The following CNTNAP2 variants were observed in gnomAD, a reference collection of about 807,000 sequenced individuals.
CNTNAP2 encodes the protein contactin-associated protein-like 2.
In CNTNAP2, 98 loss-of-function variants were observed where a neutral mutation model predicts 155.2. The ratio of observed to expected loss-of-function variants is 0.63; its 90% CI spans 0.54 to 0.75. The LOEUF (loss-of-function observed/expected upper bound fraction) is 0.75, where lower values mean the gene tolerates loss of function less well. CNTNAP2 is among the 30% of genes least tolerant of loss of function. CNTNAP2 has a pLI of 0.00. For missense variants in CNTNAP2, 1,727 were observed against 1,688.1 expected (o/e 1.02, Z -0.40); for synonymous variants, 651 against 631.2 (o/e 1.03, Z -0.47).
At chr7:147,534,844 C>T (rs1403269650) in intron 11 of CNTNAP2, among the ~76,000 whole-genome samples, 1 of 152,152 alleles carries the variant, frequency 6.6e-6, no homozygotes, top group Non-Finnish European at 1.5e-5. Flanking sequence ...CTCGCCCTTA[C>T]ACTGAAGTAG....
intron 3 of CNTNAP2, among the ~76,000 whole-genome samples, chr7:146,842,700 T>C (rs995524008): frequency 6.6e-6 from 1 of 152,066 alleles, no homozygotes; most frequent in African/African-American, 2.4e-5. Flanking sequence ...TTTTTATTTT[T>C]TCTGAGACGG....
chr7:147,470,205 G>A (rs761277677), intron 10 of CNTNAP2, among the ~76,000 whole-genome samples: 8 of 152,208 alleles, frequency 5.3e-5, no homozygotes, highest in African/African-American at 9.6e-5. Context: ...CACAGATGAG[G>A]CAAAATAAAC....
chr7:147,689,434 C>T (rs114565372), intron 13 of CNTNAP2, among the ~76,000 whole-genome samples: 2,306 of 152,274 alleles, frequency 0.015, 40 homozygotes, highest in African/African-American at 0.039. Flanking sequence ...CAGGCGTGAG[C>T]CACTATGCCC....
chr7:147,773,495 CA>C (rs938316097), intron 13 of CNTNAP2, among the ~76,000 whole-genome samples: 1 of 152,078 alleles, frequency 6.6e-6, no homozygotes, highest in African/African-American at 2.4e-5. Flanking sequence ...AAAAACAAAA[CA>C]AAACAAAACA....
intron 8 of CNTNAP2, among the ~76,000 whole-genome samples, chr7:147,185,053 A>G (rs1398187378): frequency 1.3e-5 from 2 of 152,184 alleles, no homozygotes; most frequent in African/African-American, 2.4e-5. Flanking sequence ...GTAAACCAGG[A>G]GGACATCTAA....
chr7:146,165,105 A>G (rs1271523022), intron 1 of CNTNAP2, among the ~76,000 whole-genome samples: 1 of 152,222 alleles, frequency 6.6e-6, no homozygotes, highest in Admixed American at 6.5e-5. Context: ...GCTGTGAAGC[A>G]GTAGAAAAAT....
intron 1 of CNTNAP2, among the ~76,000 whole-genome samples, chr7:146,140,009 T>C (rs1266972476): frequency 1.3e-5 from 2 of 152,160 alleles, no homozygotes; most frequent in Non-Finnish European, 2.9e-5. Context: ...AAGCCCTCTG[T>C]TGGAATATCT....
At position 148,407,143 on chromosome 7, in the gene CNTNAP2, CAAGGTTTTTAT is replaced by C. The variant is rs1222316329; in HGVS notation, c.3716-2247_3716-2237del. The stretch of plus-strand genomic sequence containing the variant: ...AAAAAAGAAAGCCAAGGTTTTTATT[CAAGGTTTTTAT>C]TATATGTTTTTATATAAACCAGTTT... On this transcript the variant is annotated intron_variant, in intron 22 of 23. Coordinates refer to ENST00000361727, the MANE Select transcript of CNTNAP2 (RefSeq NM_014141.6). Among the ~76,000 whole-genome samples, 20 of 30,650 alleles carry C rather than the reference CAAGGTTTTTAT, an allele frequency of 6.5e-4. 1 individual carries two copies. The highest frequency in any genetic ancestry group is 2.7e-3 in the Admixed American group (16 of 5,850). The allele number at this position is 30,650 out of a possible 152,430, so 20.1% of individuals were successfully genotyped here.
intron 13 of CNTNAP2, among the ~76,000 whole-genome samples, chr7:147,691,954 T>G (rs941198686): frequency 8.5e-5 from 13 of 152,246 alleles, no homozygotes; most frequent in Non-Finnish European, 1.6e-4. Flanking sequence ...ATGACATGTG[T>G]CTACTACTGT....
chr7:147,465,212 A>AAC (rs1798099459), intron 10 of CNTNAP2, among the ~76,000 whole-genome samples: 1 of 152,088 alleles, frequency 6.6e-6, no homozygotes, highest in East Asian at 1.9e-4. Context: ...GGAAAACTTT[A>AAC]TTTATTATTT....
At chr7:147,664,108 T>C (rs759592519) in intron 13 of CNTNAP2, among the ~76,000 whole-genome samples, 25 of 152,242 alleles carry the variant, frequency 1.6e-4, no homozygotes, top group Non-Finnish European at 3.4e-4. Context: ...CATCACTAAG[T>C]ACCATAGACT....
At position 148,110,414 on chromosome 7, in the gene CNTNAP2, C is replaced by G. The variant is rs567613334; in HGVS notation, c.2384-7704C>G. Among the ~76,000 whole-genome samples the G allele has an allele frequency of 2.0e-5, 3 of 152,192 alleles. No homozygotes were observed. In the East Asian group the frequency reaches 5.8e-4, roughly 30 times the overall value. Reference sequence around the variant, plus strand: ...GACAGCCCAGAGCAGCCCAGGGACTCACTTCCTGTCATCACTCCCACCCCC... The same window carrying G: ...GACAGCCCAGAGCAGCCCAGGGACTGACTTCCTGTCATCACTCCCACCCCC... On this transcript the variant is annotated intron_variant, in intron 15 of 23. Coordinates refer to ENST00000361727, the MANE Select transcript of CNTNAP2 (RefSeq NM_014141.6).
chr7:146,781,592 A>T (rs1432621059), intron 2 of CNTNAP2, among the ~76,000 whole-genome samples: 2 of 152,096 alleles, frequency 1.3e-5, no homozygotes, highest in Non-Finnish European at 2.9e-5. Context: ...CCCCCTCCGG[A>T]AACGCGCTGG....
chr7:148,009,000 G>A (rs1802025066), intron 15 of CNTNAP2, among the ~76,000 whole-genome samples: 1 of 152,174 alleles, frequency 6.6e-6, no homozygotes, highest in South Asian at 2.1e-4. Context: ...TTTGAAAGAA[G>A]TGACATGGTT....
intron 3 of CNTNAP2, among the ~76,000 whole-genome samples, chr7:146,891,126 A>G (rs886764524): frequency 6.6e-6 from 1 of 152,200 alleles, no homozygotes; most frequent in Non-Finnish European, 1.5e-5. Context: ...CCATTATCCT[A>G]AGTGAATTAA....
intron 9 of CNTNAP2, among the ~76,000 whole-genome samples, chr7:147,303,252 GCTAT>G (rs1281808743): frequency 7.2e-5 from 11 of 152,130 alleles, no homozygotes; most frequent in African/African-American, 2.7e-4. Context: ...TAACATTTAT[GCTAT>G]CTAACAGACC....
At chr7:147,298,422 C>T (rs58628583) in intron 8 of CNTNAP2, among the ~76,000 whole-genome samples, 9,018 of 149,188 alleles carry the variant, frequency 0.06, 358 homozygotes, top group African/African-American at 0.12. Flanking sequence ...GAAACTCCAT[C>T]ACAAAAAAAA....
intron 13 of CNTNAP2, among the ~76,000 whole-genome samples, chr7:147,789,293 C>T (rs1797785398): frequency 6.6e-6 from 1 of 152,194 alleles, no homozygotes; most frequent in South Asian, 2.1e-4. Context: ...CACCACTATC[C>T]AAACCACAAA....
At chr7:146,483,282 A>AAAAAAAAATAT (rs1178407767) in intron 1 of CNTNAP2, among the ~76,000 whole-genome samples, 1 of 39,878 alleles carries the variant, frequency 2.5e-5, no homozygotes, top group African/African-American at 8.9e-5. Context: ...TCTAAAAAAA[A>AAAAAAAAATAT]ATATATATAT....
Sources: gnomAD v4.1 joint callset for allele counts (sites outside exome capture counted in the v4.1 genomes callset) on GRCh38, gnomAD v4.1.1 for gene constraint, MANE v1.5 for transcripts, NCBI Gene and HGNC (gene_info 2026-07-23, HGNC 2026-07-21) for gene names.